Variants in LRIG2 observed in about 807,000 individuals in gnomAD.
LRIG2 encodes the protein leucine-rich repeats and immunoglobulin-like domains protein 2.
A neutral mutation model predicts 107.8 loss-of-function variants in LRIG2; 93 were observed. The ratio of observed to expected loss-of-function variants is 0.86; its 90% CI spans 0.73 to 1.03. LRIG2 has a LOEUF of 1.03. LRIG2 is among the 50% of genes least tolerant of loss of function. The pLI, the probability that LRIG2 is intolerant of heterozygous loss-of-function variation, is 0.00. For missense variants in LRIG2, 1,226 were observed against 1,296.0 expected (o/e 0.95, Z 0.83); for synonymous variants, 471 against 470.6 (o/e 1.00, Z -0.01).
intron 1 of LRIG2, among the ~76,000 whole-genome samples, chr1:113,073,855 G>A (rs1652827719): frequency 6.6e-6 from 1 of 152,116 alleles, no homozygotes; most frequent in South Asian, 2.1e-4. Context: ...GTATGAAGAC[G>A]AGGGTTAAGA....
intron 4 of LRIG2, 84 bp from the exon 5 acceptor site, chr1:113,094,255 A>G (rs1248699833): frequency 2.1e-6 from 2 of 932,674 alleles, no homozygotes; most frequent in Non-Finnish European, 3.2e-6. Flanking sequence ...CTGGGGGCTT[A>G]GACATAGATT....
chr1:113,121,451 G>T (rs1054524649), intron 17 of LRIG2, among the ~76,000 whole-genome samples: 1 of 151,934 alleles, frequency 6.6e-6, no homozygotes. Context: ...GTGGAATAGG[G>T]TAGGAGGTCA....
In LRIG2 at chr1:113,124,131, G is replaced by A. The variant is rs754074916; in HGVS notation, c.*30G>A. ...CACTTCAGGATGAAATCTGGGCAGA[G>A]ACTTATTAATTAATTTTGCATTTAC... On this transcript the variant is annotated 3_prime_UTR_variant, in exon 18 of 18. Transcript: ENST00000361127. 6.9e-6 allele frequency: 11 copies of A among 1,591,828 alleles called. No homozygotes were observed. Among genetic ancestry groups the A allele is most frequent in the South Asian group, 1.1e-5 (1 of 90,400 alleles).
chr1:113,087,514 A>G (rs1030336671), intron 1 of LRIG2, among the ~76,000 whole-genome samples: 1 of 151,806 alleles, frequency 6.6e-6, no homozygotes, highest in African/African-American at 2.4e-5. Flanking sequence ...ATGCCTGGCT[A>G]ATTTTTGTAT....
At chr1:113,080,433 G>T (rs575851818) in intron 1 of LRIG2, among the ~76,000 whole-genome samples, 1 of 151,930 alleles carries the variant, frequency 6.6e-6, no homozygotes, top group South Asian at 2.1e-4. Flanking sequence ...AGGCTGGAGT[G>T]CAGTGGCGCA....
chr1:113,087,031 C>G (rs1043503129), intron 1 of LRIG2, among the ~76,000 whole-genome samples: 1 of 152,150 alleles, frequency 6.6e-6, no homozygotes, highest in African/African-American at 2.4e-5. Flanking sequence ...GTGGTCCCAG[C>G]TGTAAGGAGA....
Position 113,073,571 on chromosome 1 carries a change from C to G in LRIG2, c.165C>G (p.Asp55Glu). ...GCTCCTGCCGCATTCCTCTCCTGGA[C>G]TGCAGTCGCAGGAAATTGCCCGCAC... Reference protein sequence around the residue: ...APCSCRIPLLDCSRRKLPAPS... With the variant: ...APCSCRIPLLECSRRKLPAPS... The change falls in exon 1 of 18, where the codon GAC becomes GAG. Residue 55 changes from aspartate (D) to glutamate (E), a missense_variant. Asp to Glu is a conservative substitution (Grantham distance 45). This residue lies in a region of LRIG2 where 570 missense variants were observed against 550.2 expected (regional missense o/e 1.04). Coordinates refer to ENST00000361127, the MANE Select transcript of LRIG2 (RefSeq NM_014813.3). The G allele has an allele frequency of 1.2e-6, 2 of 1,614,062 alleles. No individual in the cohort carries two copies. Among genetic ancestry groups the G allele is most frequent in the Non-Finnish European group, 1.7e-6 (2 of 1,180,028 alleles).
intron 14 of LRIG2, among the ~76,000 whole-genome samples, chr1:113,113,211 CAAAA>C (rs11454182): frequency 7.3e-6 from 1 of 136,716 alleles, no homozygotes; most frequent in Non-Finnish European, 1.6e-5. Flanking sequence ...AAATTTAATA[CAAAA>C]AAAAAAAAAA....
intron 1 of LRIG2, among the ~76,000 whole-genome samples, chr1:113,082,696 C>T (rs1182676222): frequency 6.6e-6 from 1 of 152,174 alleles, no homozygotes; most frequent in Non-Finnish European, 1.5e-5. Context: ...CTCTGTTGCC[C>T]AGGCTGGAGT....
chr1:113,083,111 A>G (rs910470978), intron 1 of LRIG2, among the ~76,000 whole-genome samples: 5 of 150,266 alleles, frequency 3.3e-5, no homozygotes, highest in Non-Finnish European at 5.9e-5. Flanking sequence ...GGGTCTCGCC[A>G]TGTTGCCCAG....
rs1294254080 is a variant in LRIG2, at chr1:113,110,403, A to C, written c.1639A>C (p.Asn547His). ...SEILYDVDTE[N>H]FVRYWQQAGE... The stretch of plus-strand genomic sequence containing the variant: ...AATCCTGTATGACGTGGATACTGAG[A>C]ATTTTGTTCGTTATTGGCAGCAAGC... Residue 547 changes from asparagine to histidine, a missense_variant, in exon 13 of 18, where the codon AAT (asparagine) becomes CAT (histidine). By Grantham distance (68) the Asn-to-His change is moderately conservative (BLOSUM62 1). Transcript: ENST00000361127. 6.2e-7 allele frequency: 1 copy of C among 1,614,182 alleles called. No individual in the cohort carries two copies. Among genetic ancestry groups the C allele is most frequent in the East Asian group, 2.2e-5 (1 of 44,884 alleles).
Position 113,106,314 on chromosome 1 carries a change from G to C in LRIG2, c.1314-1280G>C, listed in dbSNP as rs1465113418. On this transcript the variant is annotated intron_variant, in intron 11 of 17. Coordinates refer to ENST00000361127, the MANE Select transcript of LRIG2 (RefSeq NM_014813.3). ...CAAACATTAAACTTGATAAGGATTT[G>C]ATCATGCACATAAAGCAAGTTCTCA... is the stretch of plus-strand genomic sequence containing the variant. Among the ~76,000 whole-genome samples, 6 of 152,094 alleles carry C rather than the reference G, an allele frequency of 3.9e-5. No homozygotes were observed. In the South Asian group the frequency reaches 1.2e-3, roughly 32 times the overall value.
At chr1:113,106,350 CT>C (rs1353877785) in intron 11 of LRIG2, among the ~76,000 whole-genome samples, 14 of 152,168 alleles carry the variant, frequency 9.2e-5, no homozygotes, top group Non-Finnish European at 1.9e-4. Flanking sequence ...AAATCATTTA[CT>C]TTCCCTGCTT....
At position 113,127,040 on chromosome 1, in the gene LRIG2, T is replaced by C. The variant is rs949593316; in HGVS notation, c.*2939T>C. On this transcript the variant is annotated 3_prime_UTR_variant, in exon 18 of 18. Transcript: ENST00000361127. The stretch of plus-strand genomic sequence containing the variant: ...ACTGAGTTTCAGTTGTTTCTAGTTG[T>C]GTTCACTTTGTGCTTTCTCTGAATG... 6.6e-6 allele frequency: 1 copy of C among 152,262 alleles called. No individual in the cohort carries two copies. The highest frequency in any genetic ancestry group is 1.5e-5 in the Non-Finnish European group (1 of 68,042). The allele number at this position is 152,262 out of a possible 1,614,324, so 9.4% of individuals were successfully genotyped here. A position where few individuals can be genotyped will look rare whatever the true frequency, so the allele number is the denominator to read the frequency against.
intron 11 of LRIG2, among the ~76,000 whole-genome samples, chr1:113,102,071 C>A (rs986810077): frequency 6.6e-6 from 1 of 152,040 alleles, no homozygotes; most frequent in Non-Finnish European, 1.5e-5. Flanking sequence ...TTTGAAGATA[C>A]AGCATTTGAA....
chr1:113,090,710 C>T (rs1489868441), intron 1 of LRIG2, among the ~76,000 whole-genome samples: 1 of 151,208 alleles, frequency 6.6e-6, no homozygotes, highest in Non-Finnish European at 1.5e-5. Flanking sequence ...TGGTGGCGGG[C>T]GCCTGTAGTC....
At chr1:113,082,924 G>A (rs577875049) in intron 1 of LRIG2, among the ~76,000 whole-genome samples, 21 of 152,042 alleles carry the variant, frequency 1.4e-4, no homozygotes, top group African/African-American at 4.8e-4. Context: ...CCAAAGTGAT[G>A]GGATTACAGG....
chr1:113,110,338 G>A lies in LRIG2; in HGVS notation c.1574G>A (p.Ser525Asn), dbSNP rs1390942370. The stretch of plus-strand genomic sequence containing the variant: ...CTGACGTGCACTGCAGTGAGCAGCA[G>A]TGATTCACCCATGTCCACTGTGTGG... ...VTLTCTAVSS[S>N]DSPMSTVWRK... Residue 525 changes from serine to asparagine, a missense_variant, in exon 13 of 18, where the codon AGT becomes AAT. Physicochemically the swap from Ser to Asn is conservative, Grantham distance 46. This residue lies in a region of LRIG2 where 642 missense variants were observed against 712.2 expected (regional missense o/e 0.90). Transcript: ENST00000361127. The A allele has an allele frequency of 1.9e-6, 3 of 1,614,142 alleles. No homozygotes were observed. Among genetic ancestry groups the A allele is most frequent in the Admixed American group, 3.3e-5 (2 of 60,016 alleles).
intron 9 of LRIG2, among the ~76,000 whole-genome samples, chr1:113,099,431 A>T (rs1654215200): frequency 6.6e-6 from 1 of 150,714 alleles, no homozygotes; most frequent in Admixed American, 6.6e-5. Context: ...GTAGAGACAG[A>T]GTCTCACTAT....
Sources: allele counts gnomAD v4.1 joint callset (sites outside exome capture counted in the v4.1 genomes callset), GRCh38; gene constraint gnomAD v4.1.1; regional missense constraint gnomAD v4.1.1; transcripts MANE v1.5; gene names NCBI Gene and HGNC (gene_info 2026-07-23, HGNC 2026-07-21).